SHOC2: variants seen among roughly 807,000 people sequenced by gnomAD.
SHOC2 encodes SHOC2 leucine rich repeat scaffold protein.
In SHOC2, 4 loss-of-function variants were observed where a neutral mutation model predicts 50.2. The ratio of observed to expected loss-of-function variants is 0.08; its 90% CI spans 0.04 to 0.18. The LOEUF is 0.18. Among genes scored for constraint, SHOC2 ranks in the 10% least tolerant of loss-of-function variants. The probability of loss-of-function intolerance (pLI) is 1.00; values close to 1 mark genes in which losing one functional copy is unlikely to be tolerated. For synonymous variants in SHOC2, 218 were observed against 244.5 expected, an observed-to-expected ratio of 0.89 and a Z score of 1.01; for missense variants, 388 against 669.6, an observed-to-expected ratio of 0.58 and a Z score of 4.64.
chr10:110,979,253 AT>A (rs1847929779), intron 2 of SHOC2, among the ~76,000 whole-genome samples: 1 of 152,202 alleles, frequency 6.6e-6, no homozygotes, highest in Admixed American at 6.5e-5. Flanking sequence ...TCCTTTTCAC[AT>A]GGGTCTTTTC....
chr10:110,962,233 G>T (rs1847585888), intron 1 of SHOC2, among the ~76,000 whole-genome samples: 1 of 151,826 alleles, frequency 6.6e-6, no homozygotes, highest in African/African-American at 2.4e-5. Context: ...TAAATTTAGG[G>T]TATACATATC....
intron 7 of SHOC2, among the ~76,000 whole-genome samples, 164 bp downstream of exon 7, chr10:111,009,549 C>G (rs947616793): frequency 1.3e-5 from 2 of 152,098 alleles, no homozygotes; most frequent in Non-Finnish European, 2.9e-5. Context: ...GTTTTCCTAA[C>G]AAATGGTATT....
At chr10:110,982,508 C>G (rs1196417400) in intron 2 of SHOC2, among the ~76,000 whole-genome samples, 1 of 152,132 alleles carries the variant, frequency 6.6e-6, no homozygotes, top group East Asian at 1.9e-4. Context: ...CACATCCTCT[C>G]CAGCACCTGT....
intron 1 of SHOC2, among the ~76,000 whole-genome samples, chr10:110,935,660 T>A (rs1373823526): frequency 6.6e-6 from 1 of 152,214 alleles, no homozygotes; most frequent in African/African-American, 2.4e-5. Context: ...ATGAATGTAT[T>A]TAGCTAATTT....
At position 110,936,604 on chromosome 10, in the gene SHOC2, T is replaced by TTTTTTTTTTTTTA. The variant is rs763178456; in HGVS notation, c.-235+16947_-235+16948insTTTTTTTTTTTTA. On this transcript the variant is annotated intron_variant, in intron 1 of 8. Transcript: ENST00000369452. ...TTTTCTTTTCCTTTTTTTTTTTTTT[T>TTTTTTTTTTTTTA]AACAGTCTTTATTGGGCTCAGACCA... 44 of 762,136 alleles carry TTTTTTTTTTTTTA rather than the reference T, an allele frequency of 5.8e-5. 1 individual carries two copies. Among genetic ancestry groups the TTTTTTTTTTTTTA allele is most frequent in the Middle Eastern group, 3.1e-4 (1 of 3,268 alleles). 47.2% of individuals were successfully genotyped at this position (762,136 alleles called of 1,614,324 possible).
chr10:110,940,211 A>G (rs1847108130), intron 1 of SHOC2, among the ~76,000 whole-genome samples: 1 of 152,160 alleles, frequency 6.6e-6, no homozygotes, highest in Non-Finnish European at 1.5e-5. Flanking sequence ...CATTTTACTC[A>G]GTTTCCCAAT....
rs890906297 is a variant in SHOC2, at chr10:110,942,905, T to A, written c.-234-21220T>A. Among the ~76,000 whole-genome samples the A allele has an allele frequency of 7.9e-5, 12 of 152,208 alleles. No individual in the cohort carries two copies. In the East Asian group the frequency reaches 2.3e-3, roughly 29 times the overall value. On this transcript the variant is annotated intron_variant, in intron 1 of 8. Transcript: ENST00000369452. ...TCCCACTGCCTTCTGGCCTCTATATTTTCTGATGAGAAATTAAATGTTAAT... is the reference window on the plus strand; with the variant it reads ...TCCCACTGCCTTCTGGCCTCTATATATTCTGATGAGAAATTAAATGTTAAT...
At chr10:111,009,576 T>G in intron 7 of SHOC2, 137 bp from the exon 8 acceptor site, 2 of 791,402 alleles carry the variant, frequency 2.5e-6, no homozygotes, top group South Asian at 1.7e-5. Context: ...AAGAAAAATA[T>G]GTAATGTAAG....
In SHOC2 at chr10:111,004,599, T is replaced by G. The variant is rs756466026; in HGVS notation, c.973-7T>G. 6.3e-7 allele frequency: 1 copy of G among 1,599,114 alleles called. No individual in the cohort carries two copies. The highest frequency in any genetic ancestry group is 8.6e-7 in the Non-Finnish European group (1 of 1,166,368). On this transcript the variant is annotated splice_region_variant and splice_polypyrimidine_tract_variant and intron_variant, in intron 4 of 8. Transcript: ENST00000369452. ...TAATTCTTATGTTTATTTCATTTTTTTTACAGAGTCTTTTATCAAGTCTTG... is the reference window on the plus strand; with the variant it reads ...TAATTCTTATGTTTATTTCATTTTTGTTACAGAGTCTTTTATCAAGTCTTG...
intron 1 of SHOC2, among the ~76,000 whole-genome samples, chr10:110,954,503 A>G (rs1228291541): frequency 7.4e-6 from 1 of 134,682 alleles, no homozygotes. Context: ...TAAAGTTTAA[A>G]TGTTTTGTTA....
chr10:110,970,325 TTAACA>T (rs1338165090), intron 2 of SHOC2, among the ~76,000 whole-genome samples: 8 of 152,222 alleles, frequency 5.3e-5, no homozygotes, highest in African/African-American at 1.7e-4. Context: ...CTCATTTCAC[TTAACA>T]TAATGTCCTT....
At chr10:110,949,366 A>G (rs1448709766) in intron 1 of SHOC2, among the ~76,000 whole-genome samples, 1 of 152,136 alleles carries the variant, frequency 6.6e-6, no homozygotes, top group Non-Finnish European at 1.5e-5. Flanking sequence ...TTTTTCTAGA[A>G]GCATAGCGTC....
At position 110,950,110 on chromosome 10, in the gene SHOC2, G is replaced by T. The variant is rs149802899; in HGVS notation, c.-234-14015G>T. Among the ~76,000 whole-genome samples the T allele has an allele frequency of 5.2e-3, 786 of 152,214 alleles. 8 individuals are homozygous for T. The highest frequency in any genetic ancestry group is 0.018 in the African/African-American group (753 of 41,544). On this transcript the variant is annotated intron_variant, in intron 1 of 8. Transcript: ENST00000369452. ...AAATCAATAAGGAAAAAGTAAAATTGTCTTTCTGTAGATAACATGATCTTA... is the reference window on the plus strand; with the variant it reads ...AAATCAATAAGGAAAAAGTAAAATTTTCTTTCTGTAGATAACATGATCTTA...
In SHOC2 at chr10:110,985,759, A is replaced by G. The variant is rs1848065124; in HGVS notation, c.835A>G (p.Thr279Ala). 2.5e-6 allele frequency: 4 copies of G among 1,612,788 alleles called. No individual in the cohort carries two copies. Among genetic ancestry groups the G allele is most frequent in the Admixed American group, 3.3e-5 (2 of 59,936 alleles). ...CAATGAACTGCTAGACCTCCCAGAT[A>G]CTATAGGTATGAGAGGAGAAAGGAG... ...QHNELLDLPD[T>A]IGNLSSLSRL... is the part of the protein sequence containing the mutation. Residue 279 changes from threonine (T) to alanine (A), a missense_variant, in exon 3 of 9, where the codon ACT becomes GCT. Transcript: ENST00000369452.
chr10:110,964,016 T>G lies in SHOC2; in HGVS notation c.-234-109T>G. 1 of 416,902 alleles carries G rather than the reference T, an allele frequency of 2.4e-6. No individual in the cohort carries two copies. Among genetic ancestry groups the G allele is most frequent in the Non-Finnish European group, 4.2e-6 (1 of 238,438 alleles). 25.8% of individuals were successfully genotyped at this position (416,902 alleles called of 1,614,324 possible). A position where few individuals can be genotyped will look rare whatever the true frequency, so the allele number is the denominator to read the frequency against. The stretch of plus-strand genomic sequence containing the variant: ...ACCTATAAAGGATGTTCATAAATAT[T>G]TGAGAATGAAATCATAGGAAAATGG... On this transcript the variant is annotated intron_variant, in intron 1 of 8. Coordinates refer to ENST00000369452, the MANE Select transcript of SHOC2 (RefSeq NM_007373.4). The surrounding 1 kb of genome is among the most constrained non-coding windows in gnomAD (Gnocchi z 4.9).
chr10:110,982,967 T>G (rs1310740323), intron 2 of SHOC2, among the ~76,000 whole-genome samples: 2 of 152,166 alleles, frequency 1.3e-5, no homozygotes, highest in Non-Finnish European at 2.9e-5. Context: ...CTAGAATTTC[T>G]TTTTTGAAAA....
At chr10:110,976,184 A>G (rs1340153616) in intron 2 of SHOC2, among the ~76,000 whole-genome samples, 1 of 152,186 alleles carries the variant, frequency 6.6e-6, no homozygotes, top group African/African-American at 2.4e-5. Context: ...TGTTGGGATT[A>G]CAGGCGTGAG....
chr10:111,001,602 G>T (rs533827087), intron 4 of SHOC2, among the ~76,000 whole-genome samples: 2 of 152,322 alleles, frequency 1.3e-5, no homozygotes, highest in Middle Eastern at 3.4e-3. Context: ...TGTAACAAAA[G>T]AATTGGGGAC....
intron 4 of SHOC2, among the ~76,000 whole-genome samples, chr10:111,001,764 T>C (rs1848380819): frequency 6.6e-6 from 1 of 152,184 alleles, no homozygotes. Context: ...TCAGGCGCTG[T>C]AGCTCATGCT....
Sources: gnomAD v4.1 joint callset for allele counts (sites outside exome capture counted in the v4.1 genomes callset) on GRCh38, gnomAD v4.1.1 for gene constraint, Gnocchi (gnomAD v3.1) non-coding constraint, MANE v1.5 for transcripts, NCBI Gene and HGNC (gene_info 2026-07-23, HGNC 2026-07-21) for gene names.